Variants in AP1G1 observed in about 807,000 individuals in gnomAD.
AP1G1 encodes the protein AP-1 complex subunit gamma-1.
Under a neutral mutation model 108.3 loss-of-function variants are expected in AP1G1, and 7 were observed. That is an observed-to-expected ratio of 0.06 (90% CI 0.04 to 0.12). The LOEUF is 0.12. AP1G1 is among the 10% of genes least tolerant of loss of function. The pLI is 1.00. For synonymous variants in AP1G1, 379 were observed against 353.5 expected, an observed-to-expected ratio of 1.07 and a Z score of -0.81; for missense variants, 756 against 1,010.7, an observed-to-expected ratio of 0.75 and a Z score of 3.42.
In AP1G1 at chr16:71,734,797, G is replaced by T. The variant is rs1402718129; in HGVS notation, c.2269-90C>A. On this transcript the variant is annotated intron_variant, in intron 21 of 22. Coordinates refer to ENST00000299980, the MANE Select transcript of AP1G1 (RefSeq NM_001128.6). The stretch of plus-strand genomic sequence containing the variant: ...AAACCATTTAGACACCCAGATGATG[G>T]GTCAAGCAACAGATTTCACTACTAC... 5.8e-6 allele frequency: 6 copies of T among 1,027,878 alleles called. No homozygotes were observed. The African/African-American group carries it at 6.3e-5, about 11-fold the overall frequency. 63.7% of individuals were successfully genotyped at this position (1,027,878 alleles called of 1,614,324 possible). A position where few individuals can be genotyped will look rare whatever the true frequency, so the allele number is the denominator to read the frequency against.
At chr16:71,769,002 G>GC (rs1388524009) in intron 6 of AP1G1, among the ~76,000 whole-genome samples, 1 of 102,460 alleles carries the variant, frequency 9.8e-6, no homozygotes, top group Non-Finnish European at 2.1e-5. Flanking sequence ...AAAAAAACAG[G>GC]CCAGGAGCAG....
intron 6 of AP1G1, 179 bp from the exon 7 acceptor site, chr16:71,765,763 CAAG>C: frequency 1.8e-6 from 1 of 543,544 alleles, no homozygotes; most frequent in Non-Finnish European, 3.3e-6. Flanking sequence ...GGGCAATATT[CAAG>C]AAGTAGTATG....
At chr16:71,801,693 C>T (rs749174283) in intron 1 of AP1G1, among the ~76,000 whole-genome samples, 11 of 152,084 alleles carry the variant, frequency 7.2e-5, no homozygotes, top group Non-Finnish European at 1.0e-4. Context: ...GAGGCTGAGG[C>T]GGGCAGATCA....
chr16:71,736,113 AAAAAATATATATAT>A (rs2045533783), intron 21 of AP1G1, among the ~76,000 whole-genome samples: 1 of 75,734 alleles, frequency 1.3e-5, no homozygotes, highest in Non-Finnish European at 2.5e-5. Flanking sequence ...AAAAAAAAAA[AAAAAATATATATAT>A]ATATATATAT....
chr16:71,804,244 A>T (rs552768518), intron 1 of AP1G1, among the ~76,000 whole-genome samples: 1 of 151,514 alleles, frequency 6.6e-6, no homozygotes, highest in African/African-American at 2.4e-5. Flanking sequence ...GATGGGGTTT[A>T]ACCATGTTGG....
intron 13 of AP1G1, among the ~76,000 whole-genome samples, chr16:71,752,905 C>G: frequency 6.6e-6 from 1 of 152,084 alleles, no homozygotes; most frequent in Non-Finnish European, 1.5e-5. Context: ...TCATGAATTG[C>G]TGGTTCAAAT....
At chr16:71,750,098 G>A in intron 14 of AP1G1, 112 bp downstream of exon 14, 1 of 1,476,308 alleles carries the variant, frequency 6.8e-7, no homozygotes. Context: ...TAGAGTGTTA[G>A]AAATAAAGAC....
chr16:71,805,993 G>A (rs1001010933), intron 1 of AP1G1, among the ~76,000 whole-genome samples: 4 of 151,568 alleles, frequency 2.6e-5, no homozygotes, highest in African/African-American at 4.9e-5. Context: ...TCCAGCCTGG[G>A]CAACAGAGTG....
chr16:71,739,052 T>C lies in AP1G1; in HGVS notation c.2158A>G (p.Thr720Ala). 6.2e-7 allele frequency: 1 copy of C among 1,614,198 alleles called. No individual in the cohort carries two copies. Among genetic ancestry groups the C allele is most frequent in the South Asian group, 1.1e-5 (1 of 91,080 alleles). Residue 720 changes from threonine (T) to alanine (A), a missense_variant, in exon 21 of 23, where the codon ACC becomes GCC. This residue lies in a region of AP1G1 where 95 missense variants were observed against 160.5 expected (regional missense o/e 0.59). Transcript: ENST00000299980. ...GGGTTGGTATTTGACCGTTCAAAGG[T>C]GAATTCTATCTTCAAGCCATTCTTA... Reference protein sequence around the residue: ...YSKNGLKIEFTFERSNTNPSV... With the variant: ...YSKNGLKIEFAFERSNTNPSV...
chr16:71,759,275 T>C (rs1317475026), intron 10 of AP1G1, among the ~76,000 whole-genome samples: 1 of 151,688 alleles, frequency 6.6e-6, no homozygotes, highest in African/African-American at 2.4e-5. Context: ...CTGGCCAACA[T>C]GGTGAAACCC....
intron 15 of AP1G1, among the ~76,000 whole-genome samples, chr16:71,749,428 G>C (rs868315805): frequency 9.2e-5 from 14 of 151,550 alleles, no homozygotes; most frequent in Non-Finnish European, 1.5e-4. Flanking sequence ...AGGCTGCAGT[G>C]AATTGTGATC....
intron 2 of AP1G1, among the ~76,000 whole-genome samples, chr16:71,779,617 G>A (rs2031927388): frequency 6.6e-6 from 1 of 152,046 alleles, no homozygotes; most frequent in African/African-American, 2.4e-5. Flanking sequence ...TGGTATTACA[G>A]GTGTGAGCAA....
intron 1 of AP1G1, among the ~76,000 whole-genome samples, chr16:71,797,773 T>C (rs541300233): frequency 2.5e-3 from 375 of 152,172 alleles, no homozygotes; most frequent in Non-Finnish European, 4.0e-3. Context: ...CACTCCAGCC[T>C]GGGCGACAGA....
At chr16:71,764,482 A>G (rs1309063411) in intron 8 of AP1G1, 34 bp from the exon 9 acceptor site, 1 of 1,425,344 alleles carries the variant, frequency 7.0e-7, no homozygotes, top group Non-Finnish European at 9.7e-7. Context: ...TACATAAGTG[A>G]TAAAAACAAT....
chr16:71,758,412 C>T (rs1250244674), intron 11 of AP1G1: 1 of 521,302 alleles, frequency 1.9e-6, no homozygotes, highest in East Asian at 5.4e-5. Flanking sequence ...CGTGTGCTGT[C>T]AGCAGTTTGA....
Position 71,806,802 on chromosome 16 carries a change from T to A in AP1G1, c.-4+1961A>T, listed in dbSNP as rs1287876650. The A allele has an allele frequency of 3.1e-6, 3 of 964,496 alleles. 1 individual carries two copies. Among genetic ancestry groups the A allele is most frequent in the Non-Finnish European group, 4.1e-6 (3 of 723,228 alleles). The allele number at this position is 964,496 out of a possible 1,614,324, so 59.7% of individuals were successfully genotyped here. ...CACGTATCTAATAGTAACTAATATA[T>A]TTTTGAAAAATCTGCTTAAATAACA... On this transcript the variant is annotated intron_variant, in intron 1 of 22. Coordinates refer to ENST00000299980, the MANE Select transcript of AP1G1 (RefSeq NM_001128.6).
chr16:71,754,017 T>A lies in AP1G1; in HGVS notation c.1230-130A>T. On this transcript the variant is annotated intron_variant, in intron 12 of 22. Transcript: ENST00000299980. ...CATCTTGGGAGGCCGAGGTGGGAGA[T>A]CACCTGAGCTCAGGAGTTCGAGACC... is the stretch of plus-strand genomic sequence containing the variant. The A allele has an allele frequency of 1.0e-5, 8 of 792,148 alleles. No individual in the cohort carries two copies. In the South Asian group the frequency reaches 1.3e-4, roughly 13 times the overall value. 49.1% of individuals were successfully genotyped at this position (792,148 alleles called of 1,614,324 possible). A position where few individuals can be genotyped will look rare whatever the true frequency, so the allele number is the denominator to read the frequency against.
At chr16:71,750,180 C>A (rs776205211) in intron 14 of AP1G1, 30 bp downstream of exon 14, 1 of 1,603,668 alleles carries the variant, frequency 6.2e-7, no homozygotes, top group Non-Finnish European at 8.5e-7. Context: ...GGTAAAATTA[C>A]CCCCTAAAAT....
At chr16:71,763,075 C>CA (rs2031166476) in intron 9 of AP1G1, among the ~76,000 whole-genome samples, 1 of 152,108 alleles carries the variant, frequency 6.6e-6, no homozygotes, top group South Asian at 2.1e-4. Context: ...CATATGGCGT[C>CA]AGAAGTGAAA....
Sources: allele counts gnomAD v4.1 joint callset (sites outside exome capture counted in the v4.1 genomes callset), GRCh38; gene constraint gnomAD v4.1.1; regional missense constraint gnomAD v4.1.1; transcripts MANE v1.5; gene names NCBI Gene and HGNC (gene_info 2026-07-23, HGNC 2026-07-21).